The following MAP3K1 variants were observed in gnomAD, a reference collection of about 807,000 sequenced individuals.
The protein encoded by MAP3K1 is mitogen-activated protein kinase kinase kinase 1.
A neutral mutation model predicts 144.2 loss-of-function variants in MAP3K1; 36 were observed. The ratio of observed to expected loss-of-function variants is 0.25; its 90% CI spans 0.19 to 0.33. MAP3K1 has a LOEUF of 0.33. Ranked by LOEUF, MAP3K1 falls within the 10% of genes least tolerant of loss-of-function variation. The pLI, the probability that MAP3K1 is intolerant of heterozygous loss-of-function variation, is 1.00. For synonymous variants in MAP3K1, 718 were observed against 688.7 expected, an observed-to-expected ratio of 1.04 and a Z score of -0.67; for missense variants, 1,650 against 1,881.9, an observed-to-expected ratio of 0.88 and a Z score of 2.28.
At chr5:56,834,594 A>G (rs1746590963) in intron 1 of MAP3K1, among the ~76,000 whole-genome samples, 1 of 152,202 alleles carries the variant, frequency 6.6e-6, no homozygotes, top group Non-Finnish European at 1.5e-5. Context: ...CTGTAATCCC[A>G]GCTACTCGGG....
rs1748622319 is a variant in MAP3K1 at position 56,893,779 on chromosome 5, T to C, written c.*99T>C. On this transcript the variant is annotated 3_prime_UTR_variant, in exon 20 of 20. Transcript: ENST00000399503. ...GATATTCTACTGGCCATGATGCCAC[T>C]GAACAGCTATGAACGAGGCCAGTGG... 5 of 1,264,886 alleles carry C rather than the reference T, an allele frequency of 4.0e-6. No homozygotes were observed. The highest frequency in any genetic ancestry group is 3.8e-5 in the South Asian group (3 of 79,354). 78.4% of individuals were successfully genotyped at this position (1,264,886 alleles called of 1,614,324 possible).
In MAP3K1 at chr5:56,881,722, T is replaced by C. The variant is rs767431520; in HGVS notation, c.2522T>C (p.Leu841Pro). ...GTGTTTTCAAAACTGTTAGAAATGC[T>C]GAGTGTTTCCAGTTCCACTCACTTC... is the stretch of plus-strand genomic sequence containing the variant. ...PHVFSKLLEM[L>P]SVSSSTHFTR... The change falls in exon 14 of 20, where the codon CTG becomes CCG. Residue 841 changes from leucine to proline, a missense_variant. Physicochemically the swap from Leu to Pro is moderately conservative, Grantham distance 98. This residue lies in a region of MAP3K1 where 841 missense variants were observed against 886.5 expected (regional missense o/e 0.95). Coordinates refer to ENST00000399503, the MANE Select transcript of MAP3K1 (RefSeq NM_005921.2). 13 of 1,614,174 alleles carry C rather than the reference T, an allele frequency of 8.1e-6. No individual in the cohort carries two copies. The highest frequency in any genetic ancestry group is 1.0e-5 in the Non-Finnish European group (12 of 1,180,020).
chr5:56,873,643 C>G (rs1282989535), intron 9 of MAP3K1, among the ~76,000 whole-genome samples: 1 of 152,050 alleles, frequency 6.6e-6, no homozygotes, highest in African/African-American at 2.4e-5. Context: ...GATCTAAAAC[C>G]AGACGGGTCT....
At chr5:56,852,749 A>G (rs960569246) in intron 1 of MAP3K1, among the ~76,000 whole-genome samples, 3 of 152,212 alleles carry the variant, frequency 2.0e-5, no homozygotes, top group Non-Finnish European at 4.4e-5. Flanking sequence ...TCCCCGAAAC[A>G]TTCACGTTTA....
At chr5:56,850,787 C>G (rs1203643769) in intron 1 of MAP3K1, among the ~76,000 whole-genome samples, 1 of 152,208 alleles carries the variant, frequency 6.6e-6, no homozygotes, top group Non-Finnish European at 1.5e-5. Flanking sequence ...TGTAAAGCAC[C>G]TAATCCATTG....
intron 1 of MAP3K1, among the ~76,000 whole-genome samples, chr5:56,852,447 C>T (rs1747203163): frequency 6.6e-6 from 1 of 152,142 alleles, no homozygotes; most frequent in African/African-American, 2.4e-5. Flanking sequence ...AGGGAGTAAG[C>T]GTTCTTGAAG....
At chr5:56,842,988 T>G (rs1209910895) in intron 1 of MAP3K1, among the ~76,000 whole-genome samples, 1 of 152,188 alleles carries the variant, frequency 6.6e-6, no homozygotes, top group African/African-American at 2.4e-5. Flanking sequence ...TCTTACCTTA[T>G]CTATCCAGTC....
chr5:56,874,936 G>A (rs1243765345), intron 9 of MAP3K1, 96 bp from the exon 10 acceptor site: 1 of 1,281,606 alleles, frequency 7.8e-7, no homozygotes, highest in Non-Finnish European at 1.1e-6. Context: ...GAAATGTCCA[G>A]TTTTTACGTA....
Position 56,881,164 on chromosome 5 carries a change from T to G in MAP3K1, c.2261T>G (p.Leu754Arg). 6.2e-7 allele frequency: 1 copy of G among 1,613,922 alleles called. No homozygotes were observed. The highest frequency in any genetic ancestry group is 8.5e-7 in the Non-Finnish European group (1 of 1,179,928). ...ACTGAATCAAACAATTGGCAAGAAC[T>G]TCTTGGCCGCCTTTGTCTTATAGAT... ...NQTESNNWQE[L>R]LGRLCLIDRL... The change falls in exon 13 of 20, where the codon CTT becomes CGT. Residue 754 changes from leucine (L) to arginine (R), a missense_variant. By Grantham distance (102) the Leu-to-Arg change is moderately radical. Transcript: ENST00000399503.
intron 9 of MAP3K1, among the ~76,000 whole-genome samples, 155 bp downstream of exon 9, chr5:56,873,160 G>A (rs1747911969): frequency 6.6e-6 from 1 of 151,974 alleles, no homozygotes; most frequent in African/African-American, 2.4e-5. Context: ...GTTACTTTTG[G>A]TATTAATACT....
intron 3 of MAP3K1, among the ~76,000 whole-genome samples, chr5:56,860,255 C>T (rs1289119543): frequency 2.0e-5 from 3 of 152,156 alleles, no homozygotes; most frequent in Non-Finnish European, 4.4e-5. Flanking sequence ...ATGCCAGTTA[C>T]ACTTGATAAT....
chr5:56,819,191 T>C (rs1746076987), intron 1 of MAP3K1, among the ~76,000 whole-genome samples: 1 of 152,214 alleles, frequency 6.6e-6, no homozygotes, highest in Non-Finnish European at 1.5e-5. Context: ...TATTTTCTTT[T>C]CATATCTGAT....
intron 1 of MAP3K1, among the ~76,000 whole-genome samples, chr5:56,835,107 ATGAT>A (rs1211753616): frequency 3.3e-5 from 5 of 152,188 alleles, no homozygotes; most frequent in Admixed American, 3.3e-4. Context: ...TGAGAAGTGA[ATGAT>A]AGTTCTGTTG....
rs569288605 is a variant in MAP3K1 at position 56,860,596 on chromosome 5, T to C, written c.834+681T>C. ...GGCTGGGAGCGGTGGCTCACATCTA[T>C]AATCCCACCACTTTGGGAGGGCGAA... On this transcript the variant is annotated intron_variant, in intron 3 of 19. Coordinates refer to ENST00000399503, the MANE Select transcript of MAP3K1 (RefSeq NM_005921.2). Among the ~76,000 whole-genome samples the C allele has an allele frequency of 7.9e-5, 12 of 152,318 alleles. No individual in the cohort carries two copies. In the South Asian group the frequency reaches 1.5e-3, roughly 18 times the overall value.
intron 2 of MAP3K1, among the ~76,000 whole-genome samples, chr5:56,859,451 A>G (rs926926817): frequency 6.6e-6 from 1 of 152,206 alleles, no homozygotes; most frequent in Non-Finnish European, 1.5e-5. Flanking sequence ...CCATTTCTAC[A>G]GTTTTGTATG....
chr5:56,841,696 A>G (rs1245463099), intron 1 of MAP3K1, among the ~76,000 whole-genome samples: 1 of 152,224 alleles, frequency 6.6e-6, no homozygotes, highest in Non-Finnish European at 1.5e-5. Context: ...GGCAGTGGCG[A>G]TAAATGAATT....
rs1581199357 is a variant in MAP3K1, at chr5:56,815,947, C to G, written c.374C>G (p.Thr125Ser). The part of the protein sequence containing the change: ...GAASRGGAHL[T>S]ESVAAPDSGA... Reference sequence around the variant, plus strand: ...GCGAGCCGCGGCGGCGCCCACCTTACCGAGTCGGTGGCGGCGCCGGACAGC... The same window carrying G: ...GCGAGCCGCGGCGGCGCCCACCTTAGCGAGTCGGTGGCGGCGCCGGACAGC... Residue 125 changes from threonine (T) to serine (S), a missense_variant, in exon 1 of 20, where the codon ACC (threonine) becomes AGC (serine). By Grantham distance (58) the Thr-to-Ser change is moderately conservative (BLOSUM62 1). This residue lies in a region of MAP3K1 where 360 missense variants were observed against 274.7 expected (regional missense o/e 1.31). Coordinates refer to ENST00000399503, the MANE Select transcript of MAP3K1 (RefSeq NM_005921.2). The G allele has an allele frequency of 1.3e-5, 17 of 1,261,698 alleles. No homozygotes were observed. The highest frequency in any genetic ancestry group is 3.3e-5 in the East Asian group (1 of 30,442). 78.2% of individuals were successfully genotyped at this position (1,261,698 alleles called of 1,614,324 possible). A position where few individuals can be genotyped will look rare whatever the true frequency, so the allele number is the denominator to read the frequency against.
chr5:56,872,112 G>T, intron 7 of MAP3K1, 81 bp downstream of exon 7: 1 of 1,567,946 alleles, frequency 6.4e-7, no homozygotes, highest in Admixed American at 1.7e-5. Flanking sequence ...GTGTAACATG[G>T]CTTGAGGGGA....
intron 3 of MAP3K1, among the ~76,000 whole-genome samples, chr5:56,864,095 T>C (rs1747601551): frequency 6.6e-6 from 1 of 152,220 alleles, no homozygotes; most frequent in African/African-American, 2.4e-5. Context: ...TTCTGCCTGC[T>C]TATGATATAT....
Sources: gnomAD v4.1 joint callset for allele counts (sites outside exome capture counted in the v4.1 genomes callset) on GRCh38, gnomAD v4.1.1 for gene constraint, gnomAD v4.1.1 regional missense constraint, MANE v1.5 for transcripts, NCBI Gene and HGNC (gene_info 2026-07-23, HGNC 2026-07-21) for gene names.